SCUBE1: variants seen among roughly 807,000 people sequenced by gnomAD.
The protein encoded by SCUBE1 is signal peptide, CUB and EGF-like domain-containing protein 1.
In SCUBE1, 59 loss-of-function variants were observed where a neutral mutation model predicts 124.4. The observed-to-expected ratio is 0.47, with a 90% CI of 0.38 to 0.59. The LOEUF (loss-of-function observed/expected upper bound fraction) is 0.59, where lower values mean the gene tolerates loss of function less well. Ranked by LOEUF, SCUBE1 falls within the 20% of genes least tolerant of loss-of-function variation. The pLI, the probability that SCUBE1 is intolerant of heterozygous loss-of-function variation, is 0.00. For missense variants in SCUBE1, 1,150 were observed against 1,371.2 expected (o/e 0.84, Z 2.55); for synonymous variants, 545 against 550.9 (o/e 0.99, Z 0.15).
At chr22:43,339,919 C>A (rs1205369263) in intron 1 of SCUBE1, among the ~76,000 whole-genome samples, 14 of 50,596 alleles carry the variant, frequency 2.8e-4, no homozygotes, top group African/African-American at 8.6e-4. Flanking sequence ...ATTCTACCCC[C>A]CCAACAAGCA....
At chr22:43,290,924 G>T in intron 4 of SCUBE1, 122 bp downstream of exon 4, 2 of 1,140,378 alleles carry the variant, frequency 1.8e-6, no homozygotes, top group Non-Finnish European at 2.4e-6. Context: ...CAGTCATTCA[G>T]ACTACCACCA....
At chr22:43,232,448 T>G (rs1922593693) in intron 7 of SCUBE1, 2 of 154,832 alleles carry the variant, frequency 1.3e-5, no homozygotes, top group Admixed American at 1.2e-4. Flanking sequence ...AAAGTAGGTG[T>G]TTTTGCCTCT....
Position 43,262,762 on chromosome 22 carries a change from T to G in SCUBE1, c.568A>C (p.Arg190=). 2 of 1,614,122 alleles carry G rather than the reference T, an allele frequency of 1.2e-6. No individual in the cohort carries two copies. The highest frequency in any genetic ancestry group is 4.5e-5 in the East Asian group (2 of 44,880). ...TPKGGVACDC[R]PGFDLAQNQK... ...TTTTGGGCAAGGTCAAAGCCGGGCCTGCAGTCGCAGGCCACCCCACCTTTG... is the reference window on the plus strand; with the variant it reads ...TTTTGGGCAAGGTCAAAGCCGGGCCGGCAGTCGCAGGCCACCCCACCTTTG... The change falls in exon 5 of 22, where the codon AGG becomes CGG. Residue 190 remains arginine (R), a synonymous_variant. Transcript: ENST00000360835.
rs377360847 is a variant in SCUBE1, at chr22:43,210,029, G to A, written c.2581+14C>T. On this transcript the variant is annotated intron_variant, in intron 19 of 21. Transcript: ENST00000360835. This position sits in a 1 kb window ranked among gnomAD's most constrained non-coding sequence, Gnocchi z 4.5. ...AGCTGAGGCTGCCTCTGGTCCCCTC[G>A]GCCCCCAACATACCACTCTTCCTCA... is the stretch of plus-strand genomic sequence containing the variant. The A allele has an allele frequency of 4.7e-5, 75 of 1,584,672 alleles. 1 individual carries two copies. Among genetic ancestry groups the A allele is most frequent in the Admixed American group, 1.9e-4 (11 of 57,690 alleles).
intron 13 of SCUBE1, 109 bp from the exon 14 acceptor site, chr22:43,220,696 G>A (rs985588835): frequency 1.7e-5 from 23 of 1,389,376 alleles, no homozygotes; most frequent in Non-Finnish European, 2.2e-5. Context: ...GGTCCGTGGT[G>A]CAGACGGAAA....
At chr22:43,213,000 G>A (rs767724323) in intron 16 of SCUBE1, among the ~76,000 whole-genome samples, 5 of 152,142 alleles carry the variant, frequency 3.3e-5, no homozygotes, top group African/African-American at 1.2e-4. Flanking sequence ...TCAGGGTGAC[G>A]CTGCCTGGTC....
At chr22:43,284,515 A>G (rs948182671) in intron 4 of SCUBE1, among the ~76,000 whole-genome samples, 3 of 152,212 alleles carry the variant, frequency 2.0e-5, no homozygotes, top group Non-Finnish European at 4.4e-5. Flanking sequence ...AACCTTCCCC[A>G]TTGCTGCTGT....
At chr22:43,218,176 G>C (rs576659990) in intron 15 of SCUBE1, 79 bp downstream of exon 15, 2 of 1,402,624 alleles carry the variant, frequency 1.4e-6, no homozygotes, top group African/African-American at 2.8e-5. Flanking sequence ...TCTCACCTGC[G>C]TGCCCACCAC....
chr22:43,282,430 G>T (rs767347771), intron 4 of SCUBE1: 2 of 152,258 alleles, frequency 1.3e-5, no homozygotes, highest in African/African-American at 2.4e-5. Flanking sequence ...CTGGCTCCCT[G>T]TCTCCAGAGT....
intron 5 of SCUBE1, among the ~76,000 whole-genome samples, chr22:43,259,617 G>A (rs1019890161): frequency 6.6e-6 from 1 of 152,206 alleles, no homozygotes; most frequent in African/African-American, 2.4e-5. Context: ...CCTGTCCTGA[G>A]TGATGGGGCA....
At chr22:43,244,446 G>A (rs1396933142) in intron 6 of SCUBE1, among the ~76,000 whole-genome samples, 1 of 152,262 alleles carries the variant, frequency 6.6e-6, no homozygotes, top group Non-Finnish European at 1.5e-5. Flanking sequence ...AATGAGCAGG[G>A]ACTCTGGAGG....
chr22:43,265,716 G>A (rs1198483838), intron 4 of SCUBE1, among the ~76,000 whole-genome samples: 1 of 152,230 alleles, frequency 6.6e-6, no homozygotes, highest in African/African-American at 2.4e-5. Context: ...TGATGGACGT[G>A]TTTATGTGTT....
In SCUBE1 at chr22:43,242,663, C is replaced by T. The variant is rs558875696; in HGVS notation, c.728-3709G>A. Among the ~76,000 whole-genome samples the T allele has an allele frequency of 2.3e-4, 35 of 152,338 alleles. No individual in the cohort carries two copies. In the South Asian group the frequency reaches 3.1e-3, roughly 14 times the overall value. On this transcript the variant is annotated intron_variant, in intron 6 of 21. Coordinates refer to ENST00000360835, the MANE Select transcript of SCUBE1 (RefSeq NM_173050.5). ...CCTGGGACTGGGAAGAGGAGGAGGACGCAGAGCAGCCTCCAGGAGCTTTGT... is the reference window on the plus strand; with the variant it reads ...CCTGGGACTGGGAAGAGGAGGAGGATGCAGAGCAGCCTCCAGGAGCTTTGT...
In SCUBE1 at chr22:43,210,180, G is replaced by T; in HGVS notation, c.2444C>A (p.Pro815His). 1 of 1,603,074 alleles carries T rather than the reference G, an allele frequency of 6.2e-7. No homozygotes were observed. The part of the protein sequence containing the change: ...YTGYIESPNY[P>H]GDYPANAECV... ...TTCAGCGTTGGCTGGGTAGTCGCCA[G>T]GGTAGTTGGGGGACTCGATGTAGCC... Residue 815 changes from proline (P) to histidine (H), a missense_variant, in exon 19 of 22, where the codon CCT (proline) becomes CAT (histidine). By Grantham distance (77) the Pro-to-His change is moderately conservative. Coordinates refer to ENST00000360835, the MANE Select transcript of SCUBE1 (RefSeq NM_173050.5). The surrounding 1 kb of genome is among the most constrained non-coding windows in gnomAD (Gnocchi z 4.5).
intron 7 of SCUBE1, among the ~76,000 whole-genome samples, chr22:43,235,116 CGTGAGT>C (rs933698185): frequency 3.9e-5 from 6 of 152,232 alleles, no homozygotes; most frequent in African/African-American, 1.4e-4. Context: ...CAGGGCCCAG[CGTGAGT>C]GTCTAGGAAC....
chr22:43,312,857 G>A lies in SCUBE1; in HGVS notation c.349+7080C>T, dbSNP rs72619553. ...CAGGCGTGCATATCTAACACCCTACGACAAGGAGGCCCTGGCCAGCCTCCC... is the reference window on the plus strand; with the variant it reads ...CAGGCGTGCATATCTAACACCCTACAACAAGGAGGCCCTGGCCAGCCTCCC... On this transcript the variant is annotated intron_variant, in intron 3 of 21. Coordinates refer to ENST00000360835, the MANE Select transcript of SCUBE1 (RefSeq NM_173050.5). Among the ~76,000 whole-genome samples, 747 of 152,188 alleles carry A rather than the reference G, an allele frequency of 4.9e-3. 23 individuals are homozygous for A. In the East Asian group the frequency reaches 0.083, roughly 17 times the overall value.
chr22:43,300,177 T>G (rs1004424833), intron 3 of SCUBE1, among the ~76,000 whole-genome samples: 1 of 152,174 alleles, frequency 6.6e-6, no homozygotes, highest in Non-Finnish European at 1.5e-5. Flanking sequence ...TAACTCCATG[T>G]GTGCCCTTTT....
intron 3 of SCUBE1, among the ~76,000 whole-genome samples, chr22:43,319,113 A>G (rs574247030): frequency 5.3e-5 from 8 of 152,218 alleles, no homozygotes; most frequent in Non-Finnish European, 1.2e-4. Flanking sequence ...GTGTCACTTC[A>G]AAATTCCTTT....
intron 2 of SCUBE1, among the ~76,000 whole-genome samples, chr22:43,322,029 G>C (rs980325345): frequency 6.6e-6 from 1 of 151,916 alleles, no homozygotes; most frequent in Non-Finnish European, 1.5e-5. Context: ...CTGTCGCCCA[G>C]GCTGGAGTGC....
Sources: allele counts gnomAD v4.1 joint callset (sites outside exome capture counted in the v4.1 genomes callset), GRCh38; gene constraint gnomAD v4.1.1; non-coding constraint Gnocchi (gnomAD v3.1); transcripts MANE v1.5; gene names NCBI Gene and HGNC (gene_info 2026-07-23, HGNC 2026-07-21).